The following VDR variants were observed in gnomAD, a reference collection of about 807,000 sequenced individuals.
The protein encoded by VDR is vitamin D3 receptor.
VDR carries 19 observed loss-of-function variants against 39.7 expected under a neutral mutation model. The ratio of observed to expected loss-of-function variants is 0.48; its 90% CI spans 0.33 to 0.70. The LOEUF (loss-of-function observed/expected upper bound fraction) is 0.70. Ranked by LOEUF, VDR falls within the 30% of genes least tolerant of loss-of-function variation. VDR has a pLI of 0.02. For synonymous variants in VDR, 242 were observed against 215.8 expected (o/e 1.12, Z -1.07); for missense variants, 442 against 570.5 (o/e 0.77, Z 2.29).
intron 7 of VDR, among the ~76,000 whole-genome samples, chr12:47,850,887 C>CG (rs1411626410): frequency 6.6e-6 from 1 of 151,694 alleles, no homozygotes; most frequent in African/African-American, 2.4e-5. Flanking sequence ...CGCATTCCCA[C>CG]GGTACCTCCA....
At chr12:47,849,218 G>A (rs1290728058) in intron 7 of VDR, among the ~76,000 whole-genome samples, 1 of 152,180 alleles carries the variant, frequency 6.6e-6, no homozygotes, top group Non-Finnish European at 1.5e-5. Context: ...TGATGAGAGT[G>A]TTGTATCAAT....
intron 1 of VDR, among the ~76,000 whole-genome samples, chr12:47,888,181 A>G (rs1237869147): frequency 2.0e-5 from 3 of 152,008 alleles, no homozygotes; most frequent in African/African-American, 7.2e-5. Context: ...ATCAGATCTC[A>G]TAAGGCTTAT....
intron 3 of VDR, among the ~76,000 whole-genome samples, chr12:47,871,426 T>C (rs1250873034): frequency 2.0e-5 from 3 of 149,976 alleles, no homozygotes; most frequent in Non-Finnish European, 4.4e-5. Context: ...TCTGTCTATC[T>C]GTCTTTCCTT....
At chr12:47,878,890 G>T (rs1037263011) in intron 3 of VDR, 78 bp downstream of exon 3, 8 of 1,608,620 alleles carry the variant, frequency 5.0e-6, no homozygotes, top group Middle Eastern at 1.6e-4. Flanking sequence ...TGTGAAAAAT[G>T]CAAGGGCTCC....
intron 1 of VDR, among the ~76,000 whole-genome samples, chr12:47,885,500 G>T (rs1946235522): frequency 6.6e-6 from 1 of 152,224 alleles, no homozygotes; most frequent in African/African-American, 2.4e-5. Context: ...CAGGTGTCCT[G>T]GGCAGAGCCC....
intron 1 of VDR, chr12:47,898,843 T>A: frequency 1.3e-5 from 2 of 155,018 alleles, no homozygotes; most frequent in Middle Eastern, 5.2e-4. Flanking sequence ...TCTACATAGA[T>A]GATAACTTAC....
At chr12:47,876,885 C>T (rs1462856306) in intron 3 of VDR, among the ~76,000 whole-genome samples, 1 of 152,190 alleles carries the variant, frequency 6.6e-6, no homozygotes, top group Non-Finnish European at 1.5e-5. Flanking sequence ...AACCAGCTGC[C>T]ACCTAAGATT....
At chr12:47,871,933 T>C (rs527657033) in intron 3 of VDR, among the ~76,000 whole-genome samples, 1 of 152,310 alleles carries the variant, frequency 6.6e-6, no homozygotes, top group African/African-American at 2.4e-5. Flanking sequence ...CACACACACA[T>C]ATGCACTTTT....
rs150301385 is a variant in VDR, at chr12:47,841,876, T to C, written c.*2870A>G. On this transcript the variant is annotated 3_prime_UTR_variant, in exon 10 of 10. Transcript: ENST00000549336. ...CATTTTGGGGCACCTTCTCCTTCAG[T>C]TATAATGATATACCTTAAAAGTTTT... The C allele has an allele frequency of 5.4e-4, 82 of 152,502 alleles. No homozygotes were observed. The highest frequency in any genetic ancestry group is 1.8e-3 in the African/African-American group (75 of 41,586). The allele number at this position is 152,502 out of a possible 1,614,324, so 9.4% of individuals were successfully genotyped here. A position where few individuals can be genotyped will look rare whatever the true frequency, so the allele number is the denominator to read the frequency against.
intron 3 of VDR, among the ~76,000 whole-genome samples, chr12:47,873,151 C>T (rs1016229351): frequency 3.9e-5 from 6 of 152,112 alleles, no homozygotes; most frequent in Middle Eastern, 3.4e-3. Context: ...ACAGATTTCC[C>T]CCTTGCTGTT....
intron 3 of VDR, among the ~76,000 whole-genome samples, chr12:47,874,207 T>A (rs1945953261): frequency 6.6e-6 from 1 of 152,174 alleles, no homozygotes; most frequent in African/African-American, 2.4e-5. Context: ...TTCATTCACA[T>A]CCTTGAATAT....
chr12:47,879,678 C>G (rs1946103302), intron 2 of VDR, among the ~76,000 whole-genome samples: 1 of 152,190 alleles, frequency 6.6e-6, no homozygotes, highest in Non-Finnish European at 1.5e-5. Context: ...CCAGCCCCAG[C>G]TCCTCACAAC....
chr12:47,844,563 G>A lies in VDR; in HGVS notation c.*183C>T. 1.2e-6 allele frequency: 1 copy of A among 803,938 alleles called. No individual in the cohort carries two copies. Among genetic ancestry groups the A allele is most frequent in the Non-Finnish European group, 1.9e-6 (1 of 517,502 alleles). 49.8% of individuals were successfully genotyped at this position (803,938 alleles called of 1,614,324 possible). A position where few individuals can be genotyped will look rare whatever the true frequency, so the allele number is the denominator to read the frequency against. On this transcript the variant is annotated 3_prime_UTR_variant, in exon 10 of 10. Transcript: ENST00000549336. ...TGAGGTCTCAAGGGACCGGGGAAAA[G>A]CCCGCAGGAAAGGGGTTAGGTTGGA...
At chr12:47,875,375 T>C (rs1422004544) in intron 3 of VDR, among the ~76,000 whole-genome samples, 1 of 152,212 alleles carries the variant, frequency 6.6e-6, no homozygotes. Context: ...TCAAGCAAGC[T>C]TCTTGAGAGC....
At position 47,855,637 on chromosome 12, in the gene VDR, C is replaced by T. The variant is rs369885177; in HGVS notation, c.748G>A (p.Gly250Arg). 6.8e-6 allele frequency: 11 copies of T among 1,614,046 alleles called. No homozygotes were observed. The Admixed American group carries it at 1.8e-4, about 27-fold the overall frequency. Residue 250 changes from glycine to arginine, a missense_variant, in exon 7 of 10, where the codon GGA becomes AGA. Transcript: ENST00000549336. ...KVIGFAKMIP[G>R]FRDLTSEDQI... Reference sequence around the variant, plus strand: ...ATTGCAGAAGTTTCTTACCTGAATCCTGGTATCATCTTAGCAAAGCCAATG... The same window carrying T: ...ATTGCAGAAGTTTCTTACCTGAATCTTGGTATCATCTTAGCAAAGCCAATG...
chr12:47,895,987 C>T (rs1946459260), intron 1 of VDR, among the ~76,000 whole-genome samples: 1 of 152,224 alleles, frequency 6.6e-6, no homozygotes, highest in Non-Finnish European at 1.5e-5. Context: ...GCAGAGCTCA[C>T]GGTTAGAAGT....
intron 3 of VDR, among the ~76,000 whole-genome samples, chr12:47,869,413 G>A (rs913737415): frequency 4.6e-5 from 7 of 152,048 alleles, no homozygotes; most frequent in Non-Finnish European, 1.0e-4. Flanking sequence ...GCGGGCGCCT[G>A]TAGTCCCAGC....
chr12:47,867,686 C>T (rs1313479751), intron 3 of VDR, among the ~76,000 whole-genome samples: 1 of 152,212 alleles, frequency 6.6e-6, no homozygotes, highest in Non-Finnish European at 1.5e-5. Context: ...GCAGCATCTT[C>T]CAAGGAACTG....
Position 47,902,503 on chromosome 12 carries a change from C to T in VDR, c.-84+2452G>A, listed in dbSNP as rs115225731. Among the ~76,000 whole-genome samples, 300 of 152,332 alleles carry T rather than the reference C, an allele frequency of 2.0e-3. 2 individuals carry two copies. Among genetic ancestry groups the T allele is most frequent in the African/African-American group, 7.0e-3 (290 of 41,576 alleles). On this transcript the variant is annotated intron_variant, in intron 1 of 9. Transcript: ENST00000549336. ...TGCTATCCCTCAGAGGGCCTGGAGTCATGCTGGGCACACAAGAGGCTCTTA... is the reference window on the plus strand; with the variant it reads ...TGCTATCCCTCAGAGGGCCTGGAGTTATGCTGGGCACACAAGAGGCTCTTA...
Sources: gnomAD v4.1 joint callset for allele counts (sites outside exome capture counted in the v4.1 genomes callset) on GRCh38, gnomAD v4.1.1 for gene constraint, MANE v1.5 for transcripts, NCBI Gene and HGNC (gene_info 2026-07-23, HGNC 2026-07-21) for gene names.